Variants in MYH6 observed in about 807,000 individuals in gnomAD.
MYH6 encodes myosin-6.
In MYH6, 126 loss-of-function variants were observed where a neutral mutation model predicts 223.2. That is an observed-to-expected ratio of 0.56 (90% CI 0.49 to 0.65). MYH6 has a LOEUF of 0.65. Ranked by LOEUF, MYH6 falls within the 30% of genes least tolerant of loss-of-function variation. MYH6 has a pLI of 0.00. For synonymous variants in MYH6, 978 were observed against 1,010.2 expected, an observed-to-expected ratio of 0.97 and a Z score of 0.61; for missense variants, 2,040 against 2,536.4, an observed-to-expected ratio of 0.80 and a Z score of 4.20.
chr14:23,406,857 A>G (rs1337484190), intron 3 of MYH6, among the ~76,000 whole-genome samples, 166 bp downstream of exon 3: 3 of 152,098 alleles, frequency 2.0e-5, no homozygotes, highest in Non-Finnish European at 4.4e-5. Context: ...GCTCAGGTCA[A>G]TTTGAGAGGG....
In MYH6 at chr14:23,401,009, TC is replaced by T. The variant is rs758346023; in HGVS notation, c.1142-33del. 2.7e-5 allele frequency: 43 copies of T among 1,601,370 alleles called. No individual in the cohort carries two copies. The African/African-American group carries it at 5.6e-4, about 21-fold the overall frequency. ...GAGAGGGAAAGGATAAGTGAGCACTTCCTTTTTTTTTTTTTAAGATAGAGGC... is the reference window on the plus strand; with the variant it reads ...GAGAGGGAAAGGATAAGTGAGCACTTCTTTTTTTTTTTTTAAGATAGAGGC... On this transcript the variant is annotated intron_variant, in intron 12 of 38. Coordinates refer to ENST00000405093, the MANE Select transcript of MYH6 (RefSeq NM_002471.4).
intron 26 of MYH6, among the ~76,000 whole-genome samples, 164 bp from the exon 27 acceptor site, chr14:23,389,883 T>C (rs1338254995): frequency 2.0e-5 from 3 of 150,366 alleles, no homozygotes; most frequent in Non-Finnish European, 3.0e-5. Flanking sequence ...AGGAGGAACA[T>C]GAAGAGATAG....
chr14:23,400,319 G>T lies in MYH6; in HGVS notation c.1518C>A (p.Gly506=). 6.2e-7 allele frequency: 1 copy of T among 1,614,214 alleles called. No homozygotes were observed. The highest frequency in any genetic ancestry group is 1.3e-5 in the African/African-American group (1 of 75,048). ...CAAAGTCAATGAATGTCCACTCAAT[G>T]CCCTCCTTCTTGTACTCCTCCTGCT... ...VLEQEEYKKE[G]IEWTFIDFGM... Residue 506 remains glycine (G), a synonymous_variant, in exon 14 of 39, where the codon GGC becomes GGA. Transcript: ENST00000405093.
At position 23,406,897 on chromosome 14, in the gene MYH6, G is replaced by A. The variant is rs968011436; in HGVS notation, c.201+126C>T. ...GATTCTGGGCTCCTCAAAGGAGCAT[G>A]TCCTGGCATCCCCACTGGCCTTGGC... On this transcript the variant is annotated intron_variant, in intron 3 of 38. Transcript: ENST00000405093. The A allele has an allele frequency of 2.8e-6, 3 of 1,068,394 alleles. No homozygotes were observed. The Admixed American group carries it at 5.1e-5, about 18-fold the overall frequency. The allele number at this position is 1,068,394 out of a possible 1,614,324, so 66.2% of individuals were successfully genotyped here. A position where few individuals can be genotyped will look rare whatever the true frequency, so the allele number is the denominator to read the frequency against.
chr14:23,402,351 C>T, intron 12 of MYH6, 113 bp downstream of exon 12: 2 of 1,530,754 alleles, frequency 1.3e-6, no homozygotes, highest in Non-Finnish European at 1.8e-6. Flanking sequence ...CCCTCACCAT[C>T]CCACAACACA....
In MYH6 at chr14:23,388,894, G is replaced by T. The variant is rs199672166; in HGVS notation, c.4140C>A (p.Asp1380Glu). ...VAQWRTKYET[D>E]AIQRTEELEE... is the part of the protein sequence containing the mutation. Reference sequence around the variant, plus strand: ...CGAGCTCCTCAGTCCGCTGAATGGCGTCCGTCTCATACTTGGTCCTCCACT... The same window carrying T: ...CGAGCTCCTCAGTCCGCTGAATGGCTTCCGTCTCATACTTGGTCCTCCACT... The change falls in exon 29 of 39, where the codon GAC (aspartate) becomes GAA (glutamate). Residue 1380 changes from aspartate (D) to glutamate (E), a missense_variant. By Grantham distance (45) the Asp-to-Glu change is conservative. Coordinates refer to ENST00000405093, the MANE Select transcript of MYH6 (RefSeq NM_002471.4). The T allele has an allele frequency of 3.1e-6, 5 of 1,613,648 alleles. No homozygotes were observed. The highest frequency in any genetic ancestry group is 4.2e-6 in the Non-Finnish European group (5 of 1,180,042).
chr14:23,407,327 C>G lies in MYH6; in HGVS notation c.-13-91G>C. On this transcript the variant is annotated intron_variant, in intron 2 of 38. Coordinates refer to ENST00000405093, the MANE Select transcript of MYH6 (RefSeq NM_002471.4). The surrounding 1 kb of genome is among the most constrained non-coding windows in gnomAD (Gnocchi z 5.6). ...CCTCTGCAGCCCCCCTCCCTACCCC[C>G]GCTCCTCTCCTCCACCCTGGGAGAG... 3.4e-6 allele frequency: 5 copies of G among 1,457,016 alleles called. No homozygotes were observed. Among genetic ancestry groups the G allele is most frequent in the East Asian group, 2.3e-5 (1 of 43,572 alleles). 90.3% of individuals were successfully genotyped at this position (1,457,016 alleles called of 1,614,324 possible).
rs373887748 is a variant in MYH6, at chr14:23,394,057, C to A, written c.2685+11G>T. On this transcript the variant is annotated intron_variant, in intron 21 of 38. Transcript: ENST00000405093. ...GAGGAGAGGGCTGAAGAGATAATCA[C>A]GTGGCCTCACCGCCTGCACTTGGAG... 6 of 1,613,970 alleles carry A rather than the reference C, an allele frequency of 3.7e-6. No homozygotes were observed. Among genetic ancestry groups the A allele is most frequent in the Non-Finnish European group, 4.2e-6 (5 of 1,180,040 alleles).
intron 20 of MYH6, among the ~76,000 whole-genome samples, chr14:23,396,026 G>A (rs1366955088): frequency 5.9e-5 from 9 of 151,656 alleles, no homozygotes; most frequent in African/African-American, 2.2e-4. Context: ...TAGACCATCT[G>A]AGCAAGCAAA....
At chr14:23,391,216 C>T (rs749007544) in intron 25 of MYH6, among the ~76,000 whole-genome samples, 3 of 152,176 alleles carry the variant, frequency 2.0e-5, no homozygotes, top group Non-Finnish European at 2.9e-5. Flanking sequence ...ATCCCTTCAC[C>T]TCGGGTTATG....
intron 9 of MYH6, 36 bp downstream of exon 9, chr14:23,403,679 G>A (rs781720305): frequency 1.9e-6 from 3 of 1,582,096 alleles, no homozygotes; most frequent in East Asian, 2.3e-5. Flanking sequence ...GGCAGAGGGG[G>A]ACCTAGAGGG....
At position 23,386,466 on chromosome 14, in the gene MYH6, A is replaced by G. The variant is rs1891026372; in HGVS notation, c.4808T>C (p.Leu1603Pro). ...GTTGCGGCTGCGTGTCTCTGCATCC[A>G]GGGAGGTCTGCAGCGAGTCCACCAC... ...QRVVDSLQTS[L>P]DAETRSRNEV... Residue 1603 changes from leucine (L) to proline (P), a missense_variant, in exon 33 of 39, where the codon CTG becomes CCG. Transcript: ENST00000405093. 6.2e-7 allele frequency: 1 copy of G among 1,614,088 alleles called. No individual in the cohort carries two copies. The highest frequency in any genetic ancestry group is 8.5e-7 in the Non-Finnish European group (1 of 1,180,016).
Position 23,405,376 on chromosome 14 carries a change from A to T in MYH6, c.349T>A (p.Tyr117Asn), listed in dbSNP as rs1478881834. Residue 117 changes from tyrosine to asparagine, a missense_variant, in exon 5 of 39, where the codon TAC becomes AAC. By Grantham distance (143) the Tyr-to-Asn change is moderately radical. Coordinates refer to ENST00000405093, the MANE Select transcript of MYH6 (RefSeq NM_002471.4). This position sits in a 1 kb window ranked among gnomAD's most constrained non-coding sequence, Gnocchi z 4.7. ...ACAGTGACACAGAAGAGGCCCGAGT[A>T]GGTCTGGAGCAGGAGACAAGGCTGG... ...ERYAAWMIYT[Y>N]SGLFCVTVNP... The T allele has an allele frequency of 6.2e-7, 1 of 1,614,118 alleles. No homozygotes were observed. The highest frequency in any genetic ancestry group is 1.1e-5 in the South Asian group (1 of 91,082).
Position 23,407,032 on chromosome 14 carries a change from C to A in MYH6, c.192G>T (p.Glu64Asp). The A allele has an allele frequency of 6.2e-7, 1 of 1,614,192 alleles. No homozygotes were observed. The highest frequency in any genetic ancestry group is 8.5e-7 in the Non-Finnish European group (1 of 1,180,042). Reference protein sequence around the residue: ...REGGKVIAETENGKTVTVKED... With the variant: ...REGGKVIAETDNGKTVTVKED... ...GCCATGCCCTACTCACCTTCCCATT[C>A]TCGGTTTCAGCAATGACCTTGCCTC... Residue 64 changes from glutamate to aspartate, a missense_variant, in exon 3 of 39, where the codon GAG becomes GAT. By Grantham distance (45) the Glu-to-Asp change is conservative. This residue lies in a region of MYH6 where 184 missense variants were observed against 232.4 expected (regional missense o/e 0.79). Transcript: ENST00000405093. This position sits in a 1 kb window ranked among gnomAD's most constrained non-coding sequence, Gnocchi z 5.6.
chr14:23,384,775 C>T (rs984252129), intron 35 of MYH6, 58 bp from the exon 36 acceptor site: 1 of 1,613,900 alleles, frequency 6.2e-7, no homozygotes, highest in Non-Finnish European at 8.5e-7. Flanking sequence ...CCTTTTGCCC[C>T]CCAAGGATCT....
chr14:23,407,561 G>C lies in MYH6; in HGVS notation c.-14+15C>G. On this transcript the variant is annotated intron_variant, in intron 2 of 38. Coordinates refer to ENST00000405093, the MANE Select transcript of MYH6 (RefSeq NM_002471.4). The surrounding 1 kb of genome is among the most constrained non-coding windows in gnomAD (Gnocchi z 5.6). ...ATGCCCCAGTCTCTGCAGAGAAAAT[G>C]GGGGCAGTTCTCACCTGGTTATCCC... 1 of 1,238,782 alleles carries C rather than the reference G, an allele frequency of 8.1e-7. No individual in the cohort carries two copies. Among genetic ancestry groups the C allele is most frequent in the Non-Finnish European group, 1.0e-6 (1 of 976,566 alleles). 76.7% of individuals were successfully genotyped at this position (1,238,782 alleles called of 1,614,324 possible).
At chr14:23,388,374 C>G (rs781319774) in intron 29 of MYH6, 36 bp from the exon 30 acceptor site, 3 of 1,610,156 alleles carry the variant, frequency 1.9e-6, no homozygotes, top group Non-Finnish European at 2.5e-6. Flanking sequence ...GTGTGTGACT[C>G]TACTGGGCAA....
chr14:23,399,178 C>G, intron 14 of MYH6, 141 bp from the exon 15 acceptor site: 1 of 1,021,932 alleles, frequency 9.8e-7, no homozygotes, highest in Non-Finnish European at 1.5e-6. Flanking sequence ...ACCTCTTACC[C>G]TAAAACAGGA....
At chr14:23,385,085 T>G in intron 34 of MYH6, 44 bp from the exon 35 acceptor site, 1 of 1,612,798 alleles carries the variant, frequency 6.2e-7, no homozygotes, top group South Asian at 1.1e-5. Context: ...TACTACACTT[T>G]GTTACCTGAT....
Sources: allele counts gnomAD v4.1 joint callset (sites outside exome capture counted in the v4.1 genomes callset), GRCh38; gene constraint gnomAD v4.1.1; regional missense constraint gnomAD v4.1.1; non-coding constraint Gnocchi (gnomAD v3.1); transcripts MANE v1.5; gene names NCBI Gene and HGNC (gene_info 2026-07-23, HGNC 2026-07-21).